WDR31: variants seen among roughly 807,000 people sequenced by gnomAD.
The protein encoded by WDR31 is WD repeat-containing protein 31.
In WDR31, 30 loss-of-function variants were observed where a neutral mutation model predicts 47.3. That is an observed-to-expected ratio of 0.63 (90% CI 0.47 to 0.86). The LOEUF is 0.86. Among genes scored for constraint, WDR31 ranks in the 40% least tolerant of loss-of-function variants. WDR31 has a pLI of 0.00. For synonymous variants in WDR31, 137 were observed against 159.4 expected, an observed-to-expected ratio of 0.86 and a Z score of 1.06; for missense variants, 406 against 442.9, an observed-to-expected ratio of 0.92 and a Z score of 0.75.
intron 9 of WDR31, among the ~76,000 whole-genome samples, chr9:113,319,728 G>A (rs957306666): frequency 4.6e-5 from 7 of 152,144 alleles, no homozygotes; most frequent in African/African-American, 1.7e-4. Context: ...CAACACTAGA[G>A]CTCCAAATTT....
chr9:113,313,307 T>C lies in WDR31; in HGVS notation c.*3442A>G, dbSNP rs1374920645. 1 of 152,256 alleles carries C rather than the reference T, an allele frequency of 6.6e-6. No individual in the cohort carries two copies. The highest frequency in any genetic ancestry group is 1.5e-5 in the Non-Finnish European group (1 of 68,050). 9.4% of individuals were successfully genotyped at this position (152,256 alleles called of 1,614,324 possible). A position where few individuals can be genotyped will look rare whatever the true frequency, so the allele number is the denominator to read the frequency against. On this transcript the variant is annotated 3_prime_UTR_variant, in exon 11 of 11. Transcript: ENST00000374193. ...TATTTTCTCCCGTGTACTTTCCTTCTCCTGGCAGCCTGTCCCCCTTCCCTG... is the reference window on the plus strand; with the variant it reads ...TATTTTCTCCCGTGTACTTTCCTTCCCCTGGCAGCCTGTCCCCCTTCCCTG...
intron 5 of WDR31, among the ~76,000 whole-genome samples, chr9:113,327,497 CACTT>C (rs1234442300): frequency 6.6e-6 from 1 of 152,132 alleles, no homozygotes; most frequent in African/African-American, 2.4e-5. Flanking sequence ...AATTCTCTCT[CACTT>C]TCTTTCCTTT....
intron 10 of WDR31, among the ~76,000 whole-genome samples, chr9:113,317,525 T>A (rs534665273): frequency 6.6e-6 from 1 of 152,362 alleles, no homozygotes; most frequent in East Asian, 1.9e-4. Context: ...CAGTTACACC[T>A]GAGTGGCTGG....
intron 5 of WDR31, among the ~76,000 whole-genome samples, chr9:113,324,225 G>T (rs866367666): frequency 6.6e-6 from 1 of 151,886 alleles, no homozygotes; most frequent in Admixed American, 6.6e-5. Flanking sequence ...CCCCGCAGCC[G>T]CTGGCACCCA....
intron 4 of WDR31, among the ~76,000 whole-genome samples, chr9:113,329,233 A>C (rs1391247767): frequency 1.3e-5 from 2 of 152,204 alleles, no homozygotes; most frequent in Non-Finnish European, 2.9e-5. Context: ...CCCAAGGAGA[A>C]CTGATTCCCC....
At position 113,336,440 on chromosome 9, in the gene WDR31, A is replaced by C. The variant is rs1052552886; in HGVS notation, c.-181T>G. 2.6e-5 allele frequency: 4 copies of C among 152,234 alleles called. No homozygotes were observed. Among genetic ancestry groups the C allele is most frequent in the Admixed American group, 6.5e-5 (1 of 15,274 alleles). The allele number at this position is 152,234 out of a possible 1,614,324, so 9.4% of individuals were successfully genotyped here. ...CTCTTCTCTGTCTAAGCATGTTTGC[A>C]CTGAAAAGAGATTTACAAGGTAAAT... On this transcript the variant is annotated splice_region_variant and 5_prime_UTR_variant, in exon 2 of 11. Transcript: ENST00000374193.
intron 8 of WDR31, 162 bp downstream of exon 8, chr9:113,321,349 G>T: frequency 1.5e-6 from 1 of 657,714 alleles, no homozygotes. Flanking sequence ...AATGATCCAT[G>T]GGGCCAAAGC....
At chr9:113,324,389 C>CTT (rs536508042) in intron 5 of WDR31, among the ~76,000 whole-genome samples, 68 of 129,090 alleles carry the variant, frequency 5.3e-4, no homozygotes, top group African/African-American at 6.3e-4. Context: ...AATTTCATTC[C>CTT]TTTTTTTTTT....
intron 1 of WDR31, 106 bp from the exon 2 acceptor site, chr9:113,336,546 ATC>A (rs899499002): frequency 6.6e-6 from 1 of 152,234 alleles, no homozygotes; most frequent in Admixed American, 6.5e-5. Flanking sequence ...TTCCAAGATT[ATC>A]TCTCTCACAT....
At chr9:113,325,952 C>T (rs1833453229) in intron 5 of WDR31, among the ~76,000 whole-genome samples, 1 of 152,058 alleles carries the variant, frequency 6.6e-6, no homozygotes, top group South Asian at 2.1e-4. Context: ...CCTCTTGTTG[C>T]CCAGGCTGGA....
At chr9:113,322,932 AG>A (rs778856182) in intron 6 of WDR31, 21 bp from the exon 7 acceptor site, 1 of 1,614,146 alleles carries the variant, frequency 6.2e-7, no homozygotes, top group South Asian at 1.1e-5. Flanking sequence ...AATGGTGAGA[AG>A]ACAGCCTGTG....
chr9:113,317,151 C>T (rs2296075), intron 10 of WDR31, among the ~76,000 whole-genome samples: 10,094 of 152,120 alleles, frequency 0.066, 710 homozygotes, highest in East Asian at 0.34. Context: ...CAAGAAGTGT[C>T]GGGGTCTCAC....
rs751824403 is a variant in WDR31, at chr9:113,331,916, T to C, written c.107A>G (p.Tyr36Cys). ...KQQSKLKHSTYKYGRPDEIIE... is the reference protein window; with the variant it reads ...KQQSKLKHSTCKYGRPDEIIE... Reference sequence around the variant, plus strand: ...GGGAGGATTGCAGTACCCGTATTTATAAGTGCTGTGTTTGAGTTTGCTTTG... The same window carrying C: ...GGGAGGATTGCAGTACCCGTATTTACAAGTGCTGTGTTTGAGTTTGCTTTG... The change falls in exon 3 of 11, where the codon TAT (tyrosine) becomes TGT (cysteine). Residue 36 changes from tyrosine to cysteine, a missense_variant. Physicochemically the swap from Tyr to Cys is radical, Grantham distance 194. Coordinates refer to ENST00000374193, the MANE Select transcript of WDR31 (RefSeq NM_001012361.4). The C allele has an allele frequency of 3.3e-5, 53 of 1,613,594 alleles. No homozygotes were observed. The highest frequency in any genetic ancestry group is 4.2e-5 in the Non-Finnish European group (50 of 1,179,716).
intron 6 of WDR31, 30 bp downstream of exon 6, chr9:113,322,981 G>A (rs1217481744): frequency 4.3e-6 from 7 of 1,613,708 alleles, no homozygotes; most frequent in Middle Eastern, 1.6e-4. Context: ...AAAGCACAAA[G>A]GCATTGGGAA....
rs1292395483 is a variant in WDR31 at position 113,318,458 on chromosome 9, A to C, written c.943+17T>G. 1 of 1,614,006 alleles carries C rather than the reference A, an allele frequency of 6.2e-7. No individual in the cohort carries two copies. The highest frequency in any genetic ancestry group is 8.5e-7 in the Non-Finnish European group (1 of 1,179,990). On this transcript the variant is annotated intron_variant, in intron 10 of 10. Transcript: ENST00000374193. ...CTTCATGTATCTTTTGAGGAGAACT[A>C]ACAGCAGGCTGCTTACCTCCAGTAT...
chr9:113,325,525 A>AT (rs1479319826), intron 5 of WDR31, among the ~76,000 whole-genome samples: 1 of 151,822 alleles, frequency 6.6e-6, no homozygotes, highest in Non-Finnish European at 1.5e-5. Flanking sequence ...AGTTCTTCTC[A>AT]TGATACCTCT....
chr9:113,327,461 G>A (rs1003068466), intron 5 of WDR31, among the ~76,000 whole-genome samples: 2 of 151,288 alleles, frequency 1.3e-5, no homozygotes, highest in African/African-American at 2.4e-5. Context: ...ACACACAAGT[G>A]CATGCACACA....
intron 4 of WDR31, among the ~76,000 whole-genome samples, 176 bp downstream of exon 4, chr9:113,330,808 T>A (rs1833578846): frequency 6.6e-6 from 1 of 152,194 alleles, no homozygotes; most frequent in Non-Finnish European, 1.5e-5. Context: ...TAAAGACTTG[T>A]CCAAACGAAT....
At chr9:113,322,747 G>A (rs925683192) in intron 7 of WDR31, 64 bp downstream of exon 7, 18 of 1,534,024 alleles carry the variant, frequency 1.2e-5, no homozygotes, top group South Asian at 2.4e-5. Context: ...TTTATCTCCC[G>A]AGCCTTTCCT....
Sources: gnomAD v4.1 joint callset for allele counts (sites outside exome capture counted in the v4.1 genomes callset) on GRCh38, gnomAD v4.1.1 for gene constraint, MANE v1.5 for transcripts, NCBI Gene and HGNC (gene_info 2026-07-23, HGNC 2026-07-21) for gene names.